The following OGDH variants were observed in gnomAD, a reference collection of about 807,000 sequenced individuals.
The protein encoded by OGDH is 2-oxoglutarate dehydrogenase complex component E1.
In OGDH, 38 loss-of-function variants were observed where a neutral mutation model predicts 116.6. The observed-to-expected ratio is 0.33, with a 90% CI of 0.25 to 0.43. The LOEUF is 0.43. Ranked by LOEUF, OGDH falls within the 20% of genes least tolerant of loss-of-function variation. The pLI, the probability that OGDH is intolerant of heterozygous loss-of-function variation, is 1.00. For missense variants in OGDH, 825 were observed against 1,357.2 expected, an observed-to-expected ratio of 0.61 and a Z score of 6.16; for synonymous variants, 488 against 533.3, an observed-to-expected ratio of 0.92 and a Z score of 1.17.
chr7:44,701,253 A>G (rs1788816414), intron 19 of OGDH, among the ~76,000 whole-genome samples: 1 of 152,104 alleles, frequency 6.6e-6, no homozygotes, highest in African/African-American at 2.4e-5. Context: ...AGAGGGTCAG[A>G]GCTCTTTCCT....
chr7:44,694,624 T>C lies in OGDH; in HGVS notation c.1668+48T>C, dbSNP rs768743570. The C allele has an allele frequency of 1.8e-5, 29 of 1,603,090 alleles. No homozygotes were observed. Among genetic ancestry groups the C allele is most frequent in the Non-Finnish European group, 2.3e-5 (27 of 1,171,136 alleles). The stretch of plus-strand genomic sequence containing the variant: ...CAGTGCGCCTTTCCAGGGCTGGCGA[T>C]GACTAGAAAAGGTGGGCCACAGGGC... On this transcript the variant is annotated intron_variant, in intron 12 of 22. Coordinates refer to ENST00000222673, the MANE Select transcript of OGDH (RefSeq NM_002541.4). The surrounding 1 kb of genome is among the most constrained non-coding windows in gnomAD (Gnocchi z 4.2).
intron 7 of OGDH, 133 bp downstream of exon 7, chr7:44,674,690 C>A: frequency 2.1e-6 from 2 of 945,752 alleles, no homozygotes; most frequent in Admixed American, 2.4e-5. Context: ...TCATCTGGTA[C>A]CTGAGGGTGT....
Position 44,624,504 on chromosome 7 carries a change from G to C in OGDH, c.161G>C (p.Ser54Thr). ...GCTGAGCCCTTTCTCAGTGGGACTA[G>C]TTCGAACTATGTGGAGGAGATGTAC... ...VAAEPFLSGT[S>T]SNYVEEMYCA... is the part of the protein sequence containing the mutation. The change falls in exon 2 of 23, where the codon AGT (serine) becomes ACT (threonine). Residue 54 changes from serine to threonine, a missense_variant. Transcript: ENST00000222673. The C allele has an allele frequency of 1.9e-6, 3 of 1,613,946 alleles. No individual in the cohort carries two copies. Among genetic ancestry groups the C allele is most frequent in the Non-Finnish European group, 2.5e-6 (3 of 1,180,006 alleles).
At chr7:44,685,393 T>C (rs892661901) in intron 10 of OGDH, among the ~76,000 whole-genome samples, 4 of 152,224 alleles carry the variant, frequency 2.6e-5, no homozygotes, top group African/African-American at 9.6e-5. Flanking sequence ...CCTGGGCTAT[T>C]TCACTTAGCA....
At chr7:44,668,722 T>C (rs2268317) in intron 5 of OGDH, among the ~76,000 whole-genome samples, 38,337 of 152,044 alleles carry the variant, frequency 0.25, 7,773 homozygotes, top group African/African-American at 0.55. Context: ...CCACACTGAC[T>C]ATAGTTTCTA....
intron 2 of OGDH, among the ~76,000 whole-genome samples, chr7:44,639,169 T>C (rs1306913831): frequency 6.6e-6 from 1 of 151,742 alleles, no homozygotes; most frequent in Non-Finnish European, 1.5e-5. Context: ...AAGCCAGGGG[T>C]TATGGAAGGC....
intron 8 of OGDH, 40 bp downstream of exon 8, chr7:44,675,308 A>G (rs543751249): frequency 1.1e-5 from 17 of 1,521,974 alleles, no homozygotes; most frequent in East Asian, 6.8e-5. Context: ...CATAGCCCCA[A>G]CTTACACAAG....
At position 44,675,873 on chromosome 7, in the gene OGDH, A is replaced by G. The variant is rs537480766; in HGVS notation, c.1027-97A>G. The G allele has an allele frequency of 3.2e-4, 408 of 1,272,970 alleles. 3 individuals are homozygous for G. The African/African-American group carries it at 5.3e-3, about 16-fold the overall frequency. 78.9% of individuals were successfully genotyped at this position (1,272,970 alleles called of 1,614,324 possible). A position where few individuals can be genotyped will look rare whatever the true frequency, so the allele number is the denominator to read the frequency against. ...ACCTGGGCAACAAGAGCGAAACTCC[A>G]TCTCAAAAAAAAAAAAAAAATTCCC... On this transcript the variant is annotated intron_variant, in intron 8 of 22. Transcript: ENST00000222673.
chr7:44,674,021 C>T (rs1787582439), intron 6 of OGDH, 80 bp downstream of exon 6: 4 of 1,556,354 alleles, frequency 2.6e-6, no homozygotes, highest in Non-Finnish European at 3.5e-6. Context: ...GGCCTGTGTG[C>T]AGCCTGTTGG....
At chr7:44,662,649 G>A (rs1483897894) in intron 4 of OGDH, among the ~76,000 whole-genome samples, 1 of 151,928 alleles carries the variant, frequency 6.6e-6, no homozygotes, top group Non-Finnish European at 1.5e-5. Context: ...TTTTAGTAGA[G>A]ATGGGGTTTC....
At chr7:44,689,391 T>TC (rs1554306848) in intron 10 of OGDH, among the ~76,000 whole-genome samples, 1 of 142,470 alleles carries the variant, frequency 7.0e-6, no homozygotes, top group Non-Finnish European at 1.5e-5. Context: ...AATTTTTTTT[T>TC]CTTTTTTTTT....
chr7:44,645,493 T>G lies in OGDH; in HGVS notation c.389T>G (p.Val130Gly). 2 of 1,614,132 alleles carry G rather than the reference T, an allele frequency of 1.2e-6. No individual in the cohort carries two copies. The highest frequency in any genetic ancestry group is 1.7e-6 in the Non-Finnish European group (2 of 1,180,006). Residue 130 changes from valine to glycine, a missense_variant, in exon 3 of 23, where the codon GTG becomes GGG. Physicochemically the swap from Val to Gly is moderately radical, Grantham distance 109. Coordinates refer to ENST00000222673, the MANE Select transcript of OGDH (RefSeq NM_002541.4). ...VDKLVEDHLA[V>G]QSLIRAYQIR... ...AAGCTCGTGGAGGACCACCTGGCAG[T>G]GCAGTCGCTCATCAGGGCATATCAG...
intron 4 of OGDH, among the ~76,000 whole-genome samples, chr7:44,652,851 C>T (rs1292929300): frequency 2.6e-5 from 4 of 152,272 alleles, no homozygotes; most frequent in South Asian, 2.1e-4. Flanking sequence ...GGCAGCCCAA[C>T]GTCTTCTGGT....
chr7:44,650,683 G>A (rs565882557), intron 4 of OGDH, among the ~76,000 whole-genome samples: 89 of 152,280 alleles, frequency 5.8e-4, no homozygotes, highest in African/African-American at 1.9e-3. Context: ...AGGAAGCAGC[G>A]TAGCATCTAG....
intron 2 of OGDH, among the ~76,000 whole-genome samples, chr7:44,633,302 G>A (rs1326342525): frequency 6.7e-6 from 1 of 149,360 alleles, no homozygotes; most frequent in East Asian, 2.0e-4. Context: ...GACTCCAAGA[G>A]TGAAAAGGAG....
At position 44,694,402 on chromosome 7, in the gene OGDH, A is replaced by G; in HGVS notation, c.1516-22A>G. The G allele has an allele frequency of 6.2e-7, 1 of 1,612,732 alleles. No homozygotes were observed. Among genetic ancestry groups the G allele is most frequent in the Non-Finnish European group, 8.5e-7 (1 of 1,179,404 alleles). On this transcript the variant is annotated intron_variant, in intron 11 of 22. Transcript: ENST00000222673. This position sits in a 1 kb window ranked among gnomAD's most constrained non-coding sequence, Gnocchi z 4.2. ...CAAGGGGCCAGCCCTTGTCTCTGAC[A>G]TCCTCTCACTGCTCTGAGCAGGTGT...
intron 20 of OGDH, among the ~76,000 whole-genome samples, chr7:44,703,962 A>G (rs1047595588): frequency 6.6e-6 from 1 of 152,146 alleles, no homozygotes; most frequent in Non-Finnish European, 1.5e-5. Flanking sequence ...CTGTCGATGG[A>G]CACTTGGGTT....
In OGDH at chr7:44,666,798, A is replaced by G. The variant is rs1272171238; in HGVS notation, c.580A>G (p.Ile194Val). ...CTTCCACTTGCCCACCACCACTTTC[A>G]TCGGGGGACAGGAATCAGCACTTCC... ...KVFHLPTTTF[I>V]GGQESALPLR... is the part of the protein sequence containing the mutation. Residue 194 changes from isoleucine to valine, a missense_variant, in exon 5 of 23, where the codon ATC becomes GTC. Ile to Val is a conservative substitution (Grantham distance 29, BLOSUM62 3). This residue lies in a region of OGDH where 171 missense variants were observed against 276.8 expected (regional missense o/e 0.62). Coordinates refer to ENST00000222673, the MANE Select transcript of OGDH (RefSeq NM_002541.4). 6.2e-7 allele frequency: 1 copy of G among 1,613,102 alleles called. No homozygotes were observed. The highest frequency in any genetic ancestry group is 1.3e-5 in the African/African-American group (1 of 74,820).
chr7:44,609,982 T>G (rs771405335), intron 1 of OGDH, among the ~76,000 whole-genome samples: 15 of 152,214 alleles, frequency 9.9e-5, no homozygotes, highest in Non-Finnish European at 1.9e-4. Flanking sequence ...CATCTGTCTA[T>G]TCTCTCTTTT....
Sources: allele counts gnomAD v4.1 joint callset (sites outside exome capture counted in the v4.1 genomes callset), GRCh38; gene constraint gnomAD v4.1.1; regional missense constraint gnomAD v4.1.1; non-coding constraint Gnocchi (gnomAD v3.1); transcripts MANE v1.5; gene names NCBI Gene and HGNC (gene_info 2026-07-23, HGNC 2026-07-21).